CLCN2: variants seen among roughly 807,000 people sequenced by gnomAD.
CLCN2 encodes chloride voltage-gated channel 2.
CLCN2 carries 72 observed loss-of-function variants against 108.3 expected under a neutral mutation model. That is an observed-to-expected ratio of 0.66 (90% confidence interval 0.55 to 0.81). The LOEUF (loss-of-function observed/expected upper bound fraction) is 0.81, where lower values mean the gene tolerates loss of function less well. Among genes scored for constraint, CLCN2 ranks in the 30% least tolerant of loss-of-function variants. CLCN2 has a pLI of 0.00. For synonymous variants in CLCN2, 471 were observed against 467.1 expected (o/e 1.01, Z -0.11); for missense variants, 1,048 against 1,205.2 (o/e 0.87, Z 1.93).
At chr3:184,359,180 G>C in intron 1 of CLCN2, 49 bp from the exon 2 acceptor site, 2 of 1,608,912 alleles carry the variant, frequency 1.2e-6, no homozygotes, top group South Asian at 1.1e-5. Flanking sequence ...GGCTGAGTGG[G>C]AACGCAGGGA....
chr3:184,350,058 T>C (rs1012421713), intron 22 of CLCN2, among the ~76,000 whole-genome samples: 10 of 152,266 alleles, frequency 6.6e-5, no homozygotes, highest in Admixed American at 6.5e-4. Flanking sequence ...TCTAATCTTT[T>C]ATGTTCTTAT....
Position 184,354,670 on chromosome 3 carries a change from GGGGT to G in CLCN2, c.1397-16_1397-13del. On this transcript the variant is annotated splice_polypyrimidine_tract_variant and intron_variant, in intron 13 of 23. Transcript: ENST00000265593. ...CCCAAATGCTGCTCCTTCAGGGAGG[GGGGT>G]GGGAAGAGAAAGAGGCAGTGGAGGG... The G allele has an allele frequency of 7.0e-7, 1 of 1,437,968 alleles. No individual in the cohort carries two copies. The highest frequency in any genetic ancestry group is 9.5e-7 in the Non-Finnish European group (1 of 1,054,644). The allele number at this position is 1,437,968 out of a possible 1,614,324, so 89.1% of individuals were successfully genotyped here.
At chr3:184,347,282 C>T in intron 22 of CLCN2, 1 of 526,312 alleles carries the variant, frequency 1.9e-6, no homozygotes, top group South Asian at 2.0e-5. Context: ...GGGAGTAATT[C>T]TTAGTCCCAT....
At chr3:184,351,623 T>C (rs541155704) in intron 22 of CLCN2, among the ~76,000 whole-genome samples, 2 of 152,336 alleles carry the variant, frequency 1.3e-5, no homozygotes, top group East Asian at 3.9e-4. Flanking sequence ...TTGCATTTTC[T>C]TATCCTGCCT....
rs200218942 is a variant in CLCN2, at chr3:184,355,451, G to C, written c.1249C>G (p.Pro417Ala). The C allele has an allele frequency of 1.2e-6, 2 of 1,614,018 alleles. No individual in the cohort carries two copies. Among genetic ancestry groups the C allele is most frequent in the Non-Finnish European group, 1.7e-6 (2 of 1,179,954 alleles). ...TTCCAGGCCTGTGAGGTGCTGGGTG[G>C]TTCTAGCTCCTCCACCAGGCCCTGG... is the stretch of plus-strand genomic sequence containing the variant. ...VRQGLVEELE[P>A]PSTSQAWNPP... is the part of the protein sequence containing the mutation. Residue 417 changes from proline (P) to alanine (A), a missense_variant, in exon 12 of 24, where the codon CCA becomes GCA. By Grantham distance (27) the Pro-to-Ala change is conservative. Transcript: ENST00000265593. The surrounding 1 kb of genome is among the most constrained non-coding windows in gnomAD (Gnocchi z 6.3).
At position 184,350,925 on chromosome 3, in the gene CLCN2, G is replaced by C. The variant is rs898851478; in HGVS notation, c.2415+1088C>G. ...AAAATGTCAGCATGATCATCATCAT[G>C]GATGTTTGAGGAGTAAGATCATTGT... is the stretch of plus-strand genomic sequence containing the variant. On this transcript the variant is annotated intron_variant, in intron 22 of 23. Transcript: ENST00000265593. 2.0e-5 allele frequency among the ~76,000 whole-genome samples: 3 copies of C among 152,132 alleles called. No homozygotes were observed. In the East Asian group the frequency reaches 5.8e-4, roughly 29 times the overall value.
Position 184,353,981 on chromosome 3 carries a change from C to T in CLCN2, c.1721+120G>A, listed in dbSNP as rs548975336. 102 of 1,352,266 alleles carry T rather than the reference C, an allele frequency of 7.5e-5. No homozygotes were observed. The African/African-American group carries it at 1.2e-3, about 16-fold the overall frequency. The allele number at this position is 1,352,266 out of a possible 1,614,324, so 83.8% of individuals were successfully genotyped here. On this transcript the variant is annotated intron_variant, in intron 15 of 23. Coordinates refer to ENST00000265593, the MANE Select transcript of CLCN2 (RefSeq NM_004366.6). ...AGCTACAGCCCCTCCAGAGTGTGGA[C>T]GAAGGTGGCTCATCTCCCAGCTTCG...
At chr3:184,354,366 C>G in intron 14 of CLCN2, 52 bp from the exon 15 acceptor site, 1 of 1,575,514 alleles carries the variant, frequency 6.3e-7, no homozygotes, top group Non-Finnish European at 8.7e-7. Flanking sequence ...CCAGAAGACC[C>G]TCCACAACCA....
chr3:184,352,795 G>A lies in CLCN2; in HGVS notation c.2159C>T (p.Ala720Val), dbSNP rs1001733658. 2 of 1,613,090 alleles carry A rather than the reference G, an allele frequency of 1.2e-6. No individual in the cohort carries two copies. The highest frequency in any genetic ancestry group is 1.3e-5 in the African/African-American group (1 of 74,954). ...GESPTGSAES[A>V]GIALRSLFCG... Reference sequence around the variant, plus strand: ...GAAGAGGCTCCGGAGGGCGATGCCTGCCGACTCTGCGCTCCCTGTGTTCCC... The same window carrying A: ...GAAGAGGCTCCGGAGGGCGATGCCTACCGACTCTGCGCTCCCTGTGTTCCC... The change falls in exon 19 of 24, where the codon GCA becomes GTA. Residue 720 changes from alanine to valine, a missense_variant. Ala to Val is a moderately conservative substitution (Grantham distance 64). Transcript: ENST00000265593.
chr3:184,358,705 T>C lies in CLCN2; in HGVS notation c.329A>G (p.Tyr110Cys). 3 of 1,584,222 alleles carry C rather than the reference T, an allele frequency of 1.9e-6. No individual in the cohort carries two copies. Among genetic ancestry groups the C allele is most frequent in the Non-Finnish European group, 1.7e-6 (2 of 1,163,854 alleles). ...LMALVSWVMD[Y>C]AIAACLQAQQ... is the part of the protein sequence containing the mutation. ...ACCTTGCAGACAGGCAGCAATGGCA[T>C]AGTCCATGACCCAGCTGACCAATGC... The change falls in exon 3 of 24, where the codon TAT becomes TGT. Residue 110 changes from tyrosine (Y) to cysteine (C), a missense_variant. Tyr to Cys is a radical substitution (Grantham distance 194). Coordinates refer to ENST00000265593, the MANE Select transcript of CLCN2 (RefSeq NM_004366.6).
At position 184,352,275 on chromosome 3, in the gene CLCN2, A is replaced by G. The variant is rs1728160998; in HGVS notation, c.2310+18T>C. The G allele has an allele frequency of 6.2e-7, 1 of 1,613,332 alleles. No individual in the cohort carries two copies. On this transcript the variant is annotated intron_variant, in intron 21 of 23. Coordinates refer to ENST00000265593, the MANE Select transcript of CLCN2 (RefSeq NM_004366.6). ...ACAACCAGGAAGAAACAGGGTCCAG[A>G]GTCCAGTGGCACCTTACCTCTTCAG... is the stretch of plus-strand genomic sequence containing the variant.
chr3:184,349,598 CAGTATA>C (rs1165539792), intron 22 of CLCN2: 1 of 152,186 alleles, frequency 6.6e-6, no homozygotes, highest in Non-Finnish European at 1.5e-5. Flanking sequence ...ATTCATCTCT[CAGTATA>C]AGTAGTAGGA....
Position 184,346,758 on chromosome 3 carries a change from TCA to T in CLCN2, c.2543_2544del (p.Val848GlufsTer18). Reference protein sequence around the residue: ...AIEGSVTAQGVKVRPPLASFR... With the variant: ...AIEGSVTAQGXKVRPPLASFR... Reference sequence around the variant, plus strand: ...AAGCTGGCGAGGGGCGGCCGGACTTTCACACCCTGTGCTGTGACAGAGCCCTC... The same window carrying T: ...AAGCTGGCGAGGGGCGGCCGGACTTTCACCCTGTGCTGTGACAGAGCCCTC... On this transcript the variant is annotated frameshift_variant, in exon 24 of 24. Coordinates refer to ENST00000265593, the MANE Select transcript of CLCN2 (RefSeq NM_004366.6). LOFTEE classifies it high-confidence loss of function. The surrounding 1 kb of genome is among the most constrained non-coding windows in gnomAD (Gnocchi z 6.0). The T allele has an allele frequency of 6.2e-7, 1 of 1,614,116 alleles. No individual in the cohort carries two copies. Among genetic ancestry groups the T allele is most frequent in the Non-Finnish European group, 8.5e-7 (1 of 1,180,030 alleles).
Position 184,355,984 on chromosome 3 carries a change from A to T in CLCN2, c.1086-206T>A, listed in dbSNP as rs1321565609. The T allele has an allele frequency of 1.7e-6, 1 of 574,770 alleles. No homozygotes were observed. Among genetic ancestry groups the T allele is most frequent in the Non-Finnish European group, 3.1e-6 (1 of 318,194 alleles). 35.6% of individuals were successfully genotyped at this position (574,770 alleles called of 1,614,324 possible). A position where few individuals can be genotyped will look rare whatever the true frequency, so the allele number is the denominator to read the frequency against. On this transcript the variant is annotated intron_variant, in intron 10 of 23. Transcript: ENST00000265593. This position sits in a 1 kb window ranked among gnomAD's most constrained non-coding sequence, Gnocchi z 6.3. ...CTAAGAGCAGGGGTCTGACCCAAAGACCTTTCTGTCAGCCCCTGACTCTGT... is the reference window on the plus strand; with the variant it reads ...CTAAGAGCAGGGGTCTGACCCAAAGTCCTTTCTGTCAGCCCCTGACTCTGT...
intron 19 of CLCN2, 99 bp from the exon 20 acceptor site, chr3:184,352,595 C>G: frequency 6.8e-7 from 1 of 1,461,304 alleles, no homozygotes; most frequent in Non-Finnish European, 9.5e-7. Flanking sequence ...AAAGGGCACG[C>G]CACAGGACCT....
intron 15 of CLCN2, 55 bp downstream of exon 15, chr3:184,354,046 C>G: frequency 6.4e-7 from 1 of 1,559,606 alleles, no homozygotes; most frequent in Non-Finnish European, 8.8e-7. Context: ...GTAGGGGGAT[C>G]TAGGATGCCC....
rs117247760 is a variant in CLCN2, at chr3:184,358,766, C to G, written c.268G>C (p.Asp90His). ...HKFLVSRVGE[D>H]WIFLVLLGLL... ...CCCAGCAGGACCAGGAAGATCCAAT[C>G]TTCACCAACCCTGGATACTAGGAAC... Residue 90 changes from aspartate (D) to histidine (H), a missense_variant, in exon 3 of 24, where the codon GAT becomes CAT. By Grantham distance (81) the Asp-to-His change is moderately conservative. Coordinates refer to ENST00000265593, the MANE Select transcript of CLCN2 (RefSeq NM_004366.6). 117 of 1,610,804 alleles carry G rather than the reference C, an allele frequency of 7.3e-5. 1 individual carries two copies. The East Asian group carries it at 1.5e-3, about 21-fold the overall frequency.
intron 19 of CLCN2, 112 bp downstream of exon 19, chr3:184,352,625 C>T: frequency 6.8e-7 from 1 of 1,462,436 alleles, no homozygotes; most frequent in Non-Finnish European, 9.5e-7. Context: ...GCAGGGAGGG[C>T]CGAAGGGCAG....
intron 14 of CLCN2, 76 bp from the exon 15 acceptor site, chr3:184,354,390 G>T: frequency 6.7e-7 from 1 of 1,484,868 alleles, no homozygotes; most frequent in Non-Finnish European, 9.3e-7. Context: ...CAGGTCCTGA[G>T]TGGGTCCCTC....
Sources: gnomAD v4.1 joint callset for allele counts (sites outside exome capture counted in the v4.1 genomes callset) on GRCh38, gnomAD v4.1.1 for gene constraint, Gnocchi (gnomAD v3.1) non-coding constraint, MANE v1.5 for transcripts, NCBI Gene and HGNC (gene_info 2026-07-23, HGNC 2026-07-21) for gene names.